Variants in EGFLAM observed in about 807,000 individuals in gnomAD.
EGFLAM encodes pikachurin.
EGFLAM carries 79 observed loss-of-function variants against 113.1 expected under a neutral mutation model. The observed-to-expected ratio is 0.70, with a 90% confidence interval of 0.58 to 0.84. EGFLAM has a LOEUF of 0.84. Among genes scored for constraint, EGFLAM ranks in the 40% least tolerant of loss-of-function variants. The pLI is 0.00. For missense variants in EGFLAM, 1,265 were observed against 1,291.6 expected, an observed-to-expected ratio of 0.98 and a Z score of 0.32; for synonymous variants, 504 against 487.6, an observed-to-expected ratio of 1.03 and a Z score of -0.44.
chr5:38,435,806 C>CTTTTTTTTTT (rs60461690), intron 16 of EGFLAM, among the ~76,000 whole-genome samples: 7 of 88,924 alleles, frequency 7.9e-5, no homozygotes, highest in African/African-American at 2.8e-4. Flanking sequence ...CCGGCTCTCT[C>CTTTTTTTTTT]TTTTTTTTTT....
At chr5:38,285,917 G>A (rs1037493334) in intron 1 of EGFLAM, 3 of 152,236 alleles carry the variant, frequency 2.0e-5, no homozygotes, top group Non-Finnish European at 4.4e-5. Context: ...ATTACAATTC[G>A]AGATGAGATC....
At chr5:38,360,825 T>TATTCATTC (rs201476604) in intron 5 of EGFLAM, among the ~76,000 whole-genome samples, 3 of 49,178 alleles carry the variant, frequency 6.1e-5, no homozygotes, top group African/African-American at 1.1e-4. Context: ...TGAAATTATT[T>TATTCATTC]ATTTATTTAT....
intron 5 of EGFLAM, among the ~76,000 whole-genome samples, chr5:38,364,674 A>C (rs895442039): frequency 2.0e-5 from 3 of 152,226 alleles, no homozygotes; most frequent in Admixed American, 6.5e-5. Context: ...GAACACGTAG[A>C]TGAAGAAGAC....
At chr5:38,358,538 G>A (rs1412278467) in intron 5 of EGFLAM, among the ~76,000 whole-genome samples, 1 of 150,646 alleles carries the variant, frequency 6.6e-6, no homozygotes. Flanking sequence ...GATATTTCAA[G>A]TAGACGTTAT....
At chr5:38,448,510 G>A in intron 18 of EGFLAM, 131 bp downstream of exon 18, 10 of 855,574 alleles carry the variant, frequency 1.2e-5, no homozygotes, top group South Asian at 3.3e-5. Flanking sequence ...ATGGCCTCAG[G>A]GGAAAAACAC....
chr5:38,406,439 T>A (rs376251648), intron 7 of EGFLAM, among the ~76,000 whole-genome samples, 198 bp downstream of exon 7: 1 of 152,242 alleles, frequency 6.6e-6, no homozygotes, highest in African/African-American at 2.4e-5. Flanking sequence ...CATCCTGATG[T>A]TCCATAGGCA....
chr5:38,304,138 AAAAG>A (rs1255850931), intron 1 of EGFLAM, among the ~76,000 whole-genome samples: 2 of 151,984 alleles, frequency 1.3e-5, no homozygotes. Flanking sequence ...AAAAAAAAAA[AAAAG>A]AAAGAAAGAA....
chr5:38,262,488 T>C (rs569401689), intron 1 of EGFLAM, among the ~76,000 whole-genome samples: 93 of 152,300 alleles, frequency 6.1e-4, no homozygotes, highest in African/African-American at 2.2e-3. Context: ...TCCTTAAATA[T>C]TACCTTGTGT....
intron 6 of EGFLAM, among the ~76,000 whole-genome samples, chr5:38,375,018 A>G (rs919304559): frequency 1.4e-5 from 2 of 144,066 alleles, no homozygotes; most frequent in South Asian, 2.1e-4. Context: ...TGATTTGAAA[A>G]TATTTCTCCC....
At chr5:38,260,811 G>T (rs1004777782) in intron 1 of EGFLAM, among the ~76,000 whole-genome samples, 2 of 152,178 alleles carry the variant, frequency 1.3e-5, no homozygotes, top group African/African-American at 4.8e-5. Flanking sequence ...CCCTTGGAAA[G>T]ACTAGTTTTT....
chr5:38,382,271 G>A (rs1486726562), intron 6 of EGFLAM, among the ~76,000 whole-genome samples: 5 of 151,938 alleles, frequency 3.3e-5, no homozygotes, highest in African/African-American at 1.2e-4. Flanking sequence ...CACTTTTTCT[G>A]TACAACAAAA....
intron 6 of EGFLAM, among the ~76,000 whole-genome samples, chr5:38,379,030 T>A (rs954345420): frequency 6.6e-6 from 1 of 152,130 alleles, no homozygotes; most frequent in Non-Finnish European, 1.5e-5. Context: ...GACTCCAGGC[T>A]CTGAGCTCTG....
chr5:38,298,011 C>CGTAAA (rs1758486622), intron 1 of EGFLAM, among the ~76,000 whole-genome samples: 1 of 152,126 alleles, frequency 6.6e-6, no homozygotes, highest in African/African-American at 2.4e-5. Flanking sequence ...TCACACAGCA[C>CGTAAA]GTAAAGAACA....
intron 20 of EGFLAM, chr5:38,462,656 CTTGT>C (rs1743325843): frequency 4.7e-6 from 2 of 424,114 alleles, no homozygotes; most frequent in Non-Finnish European, 8.8e-6. Context: ...CCACAGCACC[CTTGT>C]GGTCTTCGCC....
intron 6 of EGFLAM, among the ~76,000 whole-genome samples, chr5:38,375,684 T>C (rs1740347901): frequency 1.4e-5 from 2 of 145,656 alleles, no homozygotes; most frequent in African/African-American, 5.1e-5. Context: ...AAGATCTTAG[T>C]TGCTCTTGTG....
chr5:38,270,426 C>A (rs550702984), intron 1 of EGFLAM, among the ~76,000 whole-genome samples: 1 of 152,172 alleles, frequency 6.6e-6, no homozygotes, highest in African/African-American at 2.4e-5. Context: ...CTGTTAGTTT[C>A]TCAAACATCT....
rs373848915 is a variant in EGFLAM, at chr5:38,357,403, C to A, written c.545+5072C>A. ...ATCAATTTTTGTTGTTTATAAGTTACCTAGTTTATGGTATTCATTATAACA... is the reference window on the plus strand; with the variant it reads ...ATCAATTTTTGTTGTTTATAAGTTAACTAGTTTATGGTATTCATTATAACA... On this transcript the variant is annotated intron_variant, in intron 5 of 21. Coordinates refer to ENST00000322350, the MANE Select transcript of EGFLAM (RefSeq NM_152403.4). Among the ~76,000 whole-genome samples, 40 of 152,178 alleles carry A rather than the reference C, an allele frequency of 2.6e-4. No individual in the cohort carries two copies. In the East Asian group the frequency reaches 6.0e-3, roughly 23 times the overall value.
intron 6 of EGFLAM, among the ~76,000 whole-genome samples, chr5:38,387,247 T>C (rs1431922497): frequency 1.3e-5 from 2 of 152,198 alleles, no homozygotes; most frequent in African/African-American, 4.8e-5. Flanking sequence ...CCACCTCCAC[T>C]GGCTTGTTGC....
chr5:38,456,766 G>A (rs983242825), intron 19 of EGFLAM, among the ~76,000 whole-genome samples: 6 of 152,068 alleles, frequency 3.9e-5, no homozygotes, highest in Admixed American at 1.3e-4. Flanking sequence ...ATTTTCTCTC[G>A]ACATCCCTCT....
Sources: gnomAD v4.1 joint callset for allele counts (sites outside exome capture counted in the v4.1 genomes callset) on GRCh38, gnomAD v4.1.1 for gene constraint, MANE v1.5 for transcripts, NCBI Gene and HGNC (gene_info 2026-07-23, HGNC 2026-07-21) for gene names.